Variants in TUSC1 observed in about 807,000 individuals in gnomAD.
TUSC1 encodes the protein tumor suppressor candidate 1.
In TUSC1, 8 loss-of-function variants were observed where a neutral mutation model predicts 5.2. The observed-to-expected ratio is 1.54, with a 90% CI of 0.90 to 2.77. The LOEUF is 2.77. Ranked by LOEUF, TUSC1 falls within the 30% of genes most tolerant of loss-of-function variation. TUSC1 has a pLI of 0.00. For missense variants in TUSC1, 442 were observed against 324.2 expected (o/e 1.36, Z -2.79); for synonymous variants, 192 against 144.2 (o/e 1.33, Z -2.37).
Position 25,677,956 on chromosome 9 carries a change from G to T in TUSC1, c.357C>A (p.Gly119=). ...RQALRLPGEG[G]NGTPAEARRV... ...GGCGTGCCTCCGCGGGCGTCCCGTT[G>T]CCGCCTTCGCCGGGGAGCCGCAAAG... The change falls in exon 1 of 1, where the codon GGC becomes GGA. Residue 119 remains glycine (G), a synonymous_variant. Coordinates refer to ENST00000358022, the MANE Select transcript of TUSC1 (RefSeq NM_001004125.3). The T allele has an allele frequency of 1.3e-6, 2 of 1,549,316 alleles. No homozygotes were observed.
In TUSC1 at chr9:25,678,245, C is replaced by A. The variant is rs758560060; in HGVS notation, c.68G>T (p.Gly23Val). 1.2e-4 allele frequency: 176 copies of A among 1,417,070 alleles called. No homozygotes were observed. The highest frequency in any genetic ancestry group is 1.6e-4 in the Non-Finnish European group (173 of 1,085,512). The allele number at this position is 1,417,070 out of a possible 1,614,324, so 87.8% of individuals were successfully genotyped here. Residue 23 changes from glycine (G) to valine (V), a missense_variant, in exon 1 of 1, where the codon GGC becomes GTC. Gly to Val is a moderately radical substitution (Grantham distance 109). Coordinates refer to ENST00000358022, the MANE Select transcript of TUSC1 (RefSeq NM_001004125.3). ...SCCGGDGAAD[G>V]RGPGRSGRAR... ...CCGGCCGGAGCGGCCTGGCCCTCGG[C>A]CGTCCGCAGCACCGTCCCCGCCGCA...
In TUSC1 at chr9:25,678,402, G is replaced by T; in HGVS notation, c.-90C>A. 8.4e-7 allele frequency: 1 copy of T among 1,194,052 alleles called. No individual in the cohort carries two copies. The highest frequency in any genetic ancestry group is 1.1e-6 in the Non-Finnish European group (1 of 937,852). 74.0% of individuals were successfully genotyped at this position (1,194,052 alleles called of 1,614,324 possible). A position where few individuals can be genotyped will look rare whatever the true frequency, so the allele number is the denominator to read the frequency against. On this transcript the variant is annotated 5_prime_UTR_variant, in exon 1 of 1. Transcript: ENST00000358022. ...AGTTCGGGGCTGGCAGGGCGGCCGG[G>T]GTGACGACGGAGGAGGAGAGGAGGT... is the stretch of plus-strand genomic sequence containing the variant.
Position 25,677,611 on chromosome 9 carries a change from G to C in TUSC1, c.*72C>G. 6.9e-7 allele frequency: 1 copy of C among 1,441,024 alleles called. No homozygotes were observed. Among genetic ancestry groups the C allele is most frequent in the Non-Finnish European group, 9.1e-7 (1 of 1,102,744 alleles). The allele number at this position is 1,441,024 out of a possible 1,614,324, so 89.3% of individuals were successfully genotyped here. A position where few individuals can be genotyped will look rare whatever the true frequency, so the allele number is the denominator to read the frequency against. On this transcript the variant is annotated 3_prime_UTR_variant, in exon 1 of 1. Coordinates refer to ENST00000358022, the MANE Select transcript of TUSC1 (RefSeq NM_001004125.3). Reference sequence around the variant, plus strand: ...AGGGAGCGGGCCAGGGCGTGCGCGAGGTCGGGGGTAGCTGGGAACGGAGGA... The same window carrying C: ...AGGGAGCGGGCCAGGGCGTGCGCGACGTCGGGGGTAGCTGGGAACGGAGGA...
chr9:25,678,092 C>G lies in TUSC1; in HGVS notation c.221G>C (p.Arg74Pro). 6.3e-7 allele frequency: 1 copy of G among 1,587,340 alleles called. No individual in the cohort carries two copies. The change falls in exon 1 of 1, where the codon CGT becomes CCT. Residue 74 changes from arginine to proline, a missense_variant. Coordinates refer to ENST00000358022, the MANE Select transcript of TUSC1 (RefSeq NM_001004125.3). ...CTGCCGGTCCCACTCGTCCCGCGCACGGATGGCCTCCAAGTGGCTCGCCGC... is the reference window on the plus strand; with the variant it reads ...CTGCCGGTCCCACTCGTCCCGCGCAGGGATGGCCTCCAAGTGGCTCGCCGC... ...DLAASHLEAI[R>P]ARDEWDRQNA...
At position 25,677,906 on chromosome 9, in the gene TUSC1, T is replaced by C. The variant is rs765969990; in HGVS notation, c.407A>G (p.Asn136Ser). 6.3e-7 allele frequency: 1 copy of C among 1,580,828 alleles called. No homozygotes were observed. The highest frequency in any genetic ancestry group is 1.1e-5 in the South Asian group (1 of 87,546). The change falls in exon 1 of 1, where the codon AAC (asparagine) becomes AGC (serine). Residue 136 changes from asparagine (N) to serine (S), a missense_variant. Coordinates refer to ENST00000358022, the MANE Select transcript of TUSC1 (RefSeq NM_001004125.3). ...TCGGCCGCTGTCTCTAGCCCTCCGG[T>C]TCGTGCTGGCCTCTTCAGGGACCCG... ...ARRVPEEASTNRRARDSGRED... is the reference protein window; with the variant it reads ...ARRVPEEASTSRRARDSGRED...
In TUSC1 at chr9:25,678,387, TG is replaced by T; in HGVS notation, c.-76del. 7.7e-7 allele frequency: 1 copy of T among 1,296,772 alleles called. No individual in the cohort carries two copies. The highest frequency in any genetic ancestry group is 9.9e-7 in the Non-Finnish European group (1 of 1,010,690). 80.3% of individuals were successfully genotyped at this position (1,296,772 alleles called of 1,614,324 possible). A position where few individuals can be genotyped will look rare whatever the true frequency, so the allele number is the denominator to read the frequency against. On this transcript the variant is annotated 5_prime_UTR_variant, in exon 1 of 1. Coordinates refer to ENST00000358022, the MANE Select transcript of TUSC1 (RefSeq NM_001004125.3). ...GGCCAGGCGCGGGCAAGTTCGGGGC[TG>T]GCAGGGCGGCCGGGGTGACGACGGA...
At position 25,678,366 on chromosome 9, in the gene TUSC1, A is replaced by G; in HGVS notation, c.-54T>C. ...CCGTGGGCTGAGGGGCCGCGCGGCC[A>G]GGCGCGGGCAAGTTCGGGGCTGGCA... On this transcript the variant is annotated 5_prime_UTR_variant, in exon 1 of 1. Coordinates refer to ENST00000358022, the MANE Select transcript of TUSC1 (RefSeq NM_001004125.3). The G allele has an allele frequency of 7.5e-7, 1 of 1,338,748 alleles. No homozygotes were observed. 82.9% of individuals were successfully genotyped at this position (1,338,748 alleles called of 1,614,324 possible). A position where few individuals can be genotyped will look rare whatever the true frequency, so the allele number is the denominator to read the frequency against.
rs745403492 is a variant in TUSC1, at chr9:25,677,772, G to T, written c.541C>A (p.Pro181Thr). Residue 181 changes from proline to threonine, a missense_variant, in exon 1 of 1, where the codon CCG (proline) becomes ACG (threonine). By Grantham distance (38) the Pro-to-Thr change is conservative. Coordinates refer to ENST00000358022, the MANE Select transcript of TUSC1 (RefSeq NM_001004125.3). ...QLHLEQRGPR[P>T]SGDKEEQPLQ... ...GGCTGCTCCTCCTTGTCCCCGCTCG[G>T]ACGTGGTCCCCGCTGCTCGAGGTGC... The T allele has an allele frequency of 6.3e-7, 1 of 1,583,702 alleles. No individual in the cohort carries two copies. The highest frequency in any genetic ancestry group is 8.6e-7 in the Non-Finnish European group (1 of 1,165,778).
Position 25,677,525 on chromosome 9 carries a change from C to T in TUSC1, c.*158G>A, listed in dbSNP as rs1302938907. ...CCTCCACCAAGCGGATGGCCAAGCG[C>T]CACCCGGAAGTGTCCACTGGTGGGG... On this transcript the variant is annotated 3_prime_UTR_variant, in exon 1 of 1. Transcript: ENST00000358022. The T allele has an allele frequency of 1.4e-6, 2 of 1,381,206 alleles. No individual in the cohort carries two copies. Among genetic ancestry groups the T allele is most frequent in the African/African-American group, 2.9e-5 (2 of 68,584 alleles). The allele number at this position is 1,381,206 out of a possible 1,614,324, so 85.6% of individuals were successfully genotyped here.
In TUSC1 at chr9:25,677,545, G is replaced by C; in HGVS notation, c.*138C>G. On this transcript the variant is annotated 3_prime_UTR_variant, in exon 1 of 1. Coordinates refer to ENST00000358022, the MANE Select transcript of TUSC1 (RefSeq NM_001004125.3). ...AAGCGCCACCCGGAAGTGTCCACTG[G>C]TGGGGGCGGGAAGGCACCGTAGTCC... 2 of 1,417,078 alleles carry C rather than the reference G, an allele frequency of 1.4e-6. No homozygotes were observed. Among genetic ancestry groups the C allele is most frequent in the South Asian group, 3.0e-5 (2 of 66,348 alleles). 87.8% of individuals were successfully genotyped at this position (1,417,078 alleles called of 1,614,324 possible).
chr9:25,677,594 G>GGCCAGGGCGTGC lies in TUSC1; in HGVS notation c.*77_*88dup. 2 of 1,438,368 alleles carry GGCCAGGGCGTGC rather than the reference G, an allele frequency of 1.4e-6. No homozygotes were observed. The highest frequency in any genetic ancestry group is 1.4e-5 in the African/African-American group (1 of 69,770). The allele number at this position is 1,438,368 out of a possible 1,614,324, so 89.1% of individuals were successfully genotyped here. ...CCAAGGTATCCGCGGGCAGGGAGCG[G>GGCCAGGGCGTGC]GCCAGGGCGTGCGCGAGGTCGGGGG... is the stretch of plus-strand genomic sequence containing the variant. On this transcript the variant is annotated 3_prime_UTR_variant, in exon 1 of 1. Transcript: ENST00000358022.
Position 25,677,769 on chromosome 9 carries a change from T to C in TUSC1, c.544A>G (p.Ser182Gly). 6.3e-7 allele frequency: 1 copy of C among 1,582,282 alleles called. No homozygotes were observed. Among genetic ancestry groups the C allele is most frequent in the South Asian group, 1.1e-5 (1 of 87,040 alleles). ...AGAGGCTGCTCCTCCTTGTCCCCGCTCGGACGTGGTCCCCGCTGCTCGAGG... is the reference window on the plus strand; with the variant it reads ...AGAGGCTGCTCCTCCTTGTCCCCGCCCGGACGTGGTCCCCGCTGCTCGAGG... ...LHLEQRGPRP[S>G]GDKEEQPLQE... The change falls in exon 1 of 1, where the codon AGC becomes GGC. Residue 182 changes from serine to glycine, a missense_variant. Ser to Gly is a moderately conservative substitution (Grantham distance 56). Transcript: ENST00000358022.
At position 25,678,067 on chromosome 9, in the gene TUSC1, C is replaced by T. The variant is rs1003316152; in HGVS notation, c.246G>A (p.Gln82=). The change falls in exon 1 of 1, where the codon CAG becomes CAA. Residue 82 remains glutamine (Q), a synonymous_variant. Transcript: ENST00000358022. ...AIRARDEWDR[Q]NARLRQENAR... ...CGTTCTCCTGACGCAGCCGCGCGTT[C>T]TGCCGGTCCCACTCGTCCCGCGCAC... The T allele has an allele frequency of 1.7e-5, 27 of 1,588,232 alleles. No homozygotes were observed. Among genetic ancestry groups the T allele is most frequent in the Non-Finnish European group, 2.1e-5 (25 of 1,173,684 alleles).
chr9:25,677,711 T>C lies in TUSC1; in HGVS notation c.602A>G (p.Asp201Gly). The change falls in exon 1 of 1, where the codon GAC becomes GGC. Residue 201 changes from aspartate to glycine, a missense_variant. By Grantham distance (94) the Asp-to-Gly change is moderately conservative. Transcript: ENST00000358022. ...QEPDSGLRSR[D>G]SEPSGPWL ...CAGCCAGGGCCCAGAGGGCTCCGAG[T>C]CCCGGGAGCGGAGGCCGGAGTCGGG... 1 of 1,557,538 alleles carries C rather than the reference T, an allele frequency of 6.4e-7. No individual in the cohort carries two copies.
Position 25,677,990 on chromosome 9 carries a change from A to G in TUSC1, c.323T>C (p.Phe108Ser). The G allele has an allele frequency of 2.6e-6, 4 of 1,554,778 alleles. No individual in the cohort carries two copies. The highest frequency in any genetic ancestry group is 3.5e-6 in the Non-Finnish European group (4 of 1,156,000). ...GCCGGGGAGCCGCAAAGCCTGACGG[A>G]AGAGGCTGCGGTTCTCGCGCTTCAG... ...RRLKRENRSL[F>S]RQALRLPGEG... Residue 108 changes from phenylalanine (F) to serine (S), a missense_variant, in exon 1 of 1, where the codon TTC becomes TCC. Transcript: ENST00000358022.
rs952320928 is a variant in TUSC1, at chr9:25,678,274, A to G, written c.39T>C (p.Ser13=). ...RMRGGATRRG[S]CCGGDGAADG... Reference sequence around the variant, plus strand: ...CCGCAGCACCGTCCCCGCCGCAGCAACTCCCGCGCCTAGTGGCGCCACCAC... The same window carrying G: ...CCGCAGCACCGTCCCCGCCGCAGCAGCTCCCGCGCCTAGTGGCGCCACCAC... The change falls in exon 1 of 1, where the codon AGT becomes AGC. Residue 13 remains serine, a synonymous_variant. Coordinates refer to ENST00000358022, the MANE Select transcript of TUSC1 (RefSeq NM_001004125.3). The G allele has an allele frequency of 1.2e-5, 18 of 1,462,826 alleles. No individual in the cohort carries two copies. Among genetic ancestry groups the G allele is most frequent in the Admixed American group, 9.7e-5 (4 of 41,236 alleles). 90.6% of individuals were successfully genotyped at this position (1,462,826 alleles called of 1,614,324 possible). A position where few individuals can be genotyped will look rare whatever the true frequency, so the allele number is the denominator to read the frequency against.
At position 25,678,265 on chromosome 9, in the gene TUSC1, GC is replaced by G. The variant is rs1563901486; in HGVS notation, c.47del (p.Gly16AlafsTer85). On this transcript the variant is annotated frameshift_variant, in exon 1 of 1. Coordinates refer to ENST00000358022, the MANE Select transcript of TUSC1 (RefSeq NM_001004125.3). LOFTEE classifies it high-confidence loss of function. ...GGATRRGSCCGGDGAADGRGP... is the reference protein window; with the variant it reads ...GGATRRGSCCXGDGAADGRGP... ...CTCGGCCGTCCGCAGCACCGTCCCC[GC>G]CGCAGCAACTCCCGCGCCTAGTGGC... 1 of 1,458,846 alleles carries G rather than the reference GC, an allele frequency of 6.9e-7. No homozygotes were observed. The highest frequency in any genetic ancestry group is 2.4e-5 in the Admixed American group (1 of 41,056). The allele number at this position is 1,458,846 out of a possible 1,614,324, so 90.4% of individuals were successfully genotyped here.
Position 25,678,360 on chromosome 9 carries a change from G to C in TUSC1, c.-48C>G. ...CCAGCCCCGTGGGCTGAGGGGCCGCGCGGCCAGGCGCGGGCAAGTTCGGGG... is the reference window on the plus strand; with the variant it reads ...CCAGCCCCGTGGGCTGAGGGGCCGCCCGGCCAGGCGCGGGCAAGTTCGGGG... On this transcript the variant is annotated 5_prime_UTR_variant, in exon 1 of 1. Transcript: ENST00000358022. The C allele has an allele frequency of 7.4e-7, 1 of 1,345,956 alleles. No homozygotes were observed. Among genetic ancestry groups the C allele is most frequent in the Non-Finnish European group, 9.6e-7 (1 of 1,045,236 alleles). 83.4% of individuals were successfully genotyped at this position (1,345,956 alleles called of 1,614,324 possible).
At position 25,677,975 on chromosome 9, in the gene TUSC1, C is replaced by A. The variant is rs756278744; in HGVS notation, c.338G>T (p.Arg113Leu). The A allele has an allele frequency of 3.9e-6, 6 of 1,551,536 alleles. No individual in the cohort carries two copies. In the Admixed American group the frequency reaches 5.7e-5, roughly 15 times the overall value. The change falls in exon 1 of 1, where the codon CGG becomes CTG. Residue 113 changes from arginine to leucine, a missense_variant. Physicochemically the swap from Arg to Leu is moderately radical, Grantham distance 102. Transcript: ENST00000358022. ...CCCGTTGCCGCCTTCGCCGGGGAGC[C>A]GCAAAGCCTGACGGAAGAGGCTGCG... ...ENRSLFRQAL[R>L]LPGEGGNGTP...
Sources: allele counts gnomAD v4.1 joint callset, GRCh38; gene constraint gnomAD v4.1.1; transcripts MANE v1.5; gene names NCBI Gene and HGNC (gene_info 2026-07-23, HGNC 2026-07-21).